Variants in SESN3 observed in about 807,000 individuals in gnomAD.
SESN3 encodes sestrin 3.
A neutral mutation model predicts 55.3 loss-of-function variants in SESN3; 21 were observed. The observed-to-expected ratio is 0.38, with a 90% CI of 0.27 to 0.55. The LOEUF is 0.55. SESN3 is among the 20% of genes least tolerant of loss of function. The probability of loss-of-function intolerance (pLI) is 0.76; values close to 1 mark genes in which losing one functional copy is unlikely to be tolerated. For missense variants in SESN3, 408 were observed against 604.3 expected (o/e 0.68, Z 3.41); for synonymous variants, 181 against 203.1 (o/e 0.89, Z 0.93).
chr11:95,195,084 C>T (rs867963150), intron 1 of SESN3, among the ~76,000 whole-genome samples: 4 of 151,802 alleles, frequency 2.6e-5, no homozygotes, highest in African/African-American at 4.8e-5. Flanking sequence ...GGAGATAAAT[C>T]GAAATCTTTA....
chr11:95,191,162 G>A (rs1261689375), intron 3 of SESN3, among the ~76,000 whole-genome samples: 1 of 152,012 alleles, frequency 6.6e-6, no homozygotes, highest in East Asian at 1.9e-4. Flanking sequence ...ATTTGTAAGA[G>A]ATTAAATATG....
At chr11:95,184,398 G>T in intron 6 of SESN3, 22 bp downstream of exon 6, 1 of 1,611,400 alleles carries the variant, frequency 6.2e-7, no homozygotes, top group East Asian at 2.2e-5. Flanking sequence ...CAACTAAAAG[G>T]CAAAAAAGTG....
At chr11:95,232,238 G>T (rs932601349), upstream of SESN3, 2 of 152,342 alleles carry the variant, frequency 1.3e-5, no homozygotes, top group African/African-American at 4.8e-5. Context: ...TGGGGAAAGC[G>T]CAGGCTGACC....
intron 6 of SESN3, among the ~76,000 whole-genome samples, chr11:95,179,159 G>GT (rs1555118233): frequency 0.011 from 1,573 of 145,030 alleles, 7 homozygotes; most frequent in Admixed American, 0.012. Context: ...AGCTTAACCA[G>GT]TTTTTTTTTT....
At chr11:95,189,200 T>A (rs982757620) in intron 4 of SESN3, among the ~76,000 whole-genome samples, 1 of 151,894 alleles carries the variant, frequency 6.6e-6, no homozygotes, top group African/African-American at 2.4e-5. Context: ...CCTCACCCTG[T>A]AGGCCTTTGA....
At position 95,168,447 on chromosome 11, in the gene SESN3, G is replaced by C. The variant is rs1367141903; in HGVS notation, c.*4808C>G. 1 of 152,074 alleles carries C rather than the reference G, an allele frequency of 6.6e-6. No individual in the cohort carries two copies. Among genetic ancestry groups the C allele is most frequent in the Non-Finnish European group, 1.5e-5 (1 of 68,006 alleles). 9.4% of individuals were successfully genotyped at this position (152,074 alleles called of 1,614,324 possible). ...ATAAAGTTTCCTACTTTGATAGAAG[G>C]CAAAAATCTTTTATGATTTATTTAA... is the stretch of plus-strand genomic sequence containing the variant. On this transcript the variant is annotated 3_prime_UTR_variant, in exon 10 of 10. Coordinates refer to ENST00000536441, the MANE Select transcript of SESN3 (RefSeq NM_144665.4).
At chr11:95,206,464 G>A (rs1860549204) in intron 1 of SESN3, among the ~76,000 whole-genome samples, 3 of 150,336 alleles carry the variant, frequency 2.0e-5, no homozygotes, top group Non-Finnish European at 4.4e-5. Context: ...TTCCTGTTTT[G>A]GCAAGAAAAT....
At chr11:95,186,401 T>C (rs1432470296) in intron 4 of SESN3, among the ~76,000 whole-genome samples, 2 of 151,992 alleles carry the variant, frequency 1.3e-5, no homozygotes, top group African/African-American at 4.8e-5. Context: ...ACACACCATA[T>C]ATAATTTAAT....
chr11:95,220,027 T>A (rs3740860), intron 1 of SESN3, among the ~76,000 whole-genome samples: 1 of 152,026 alleles, frequency 6.6e-6, no homozygotes, highest in Non-Finnish European at 1.5e-5. Context: ...CAGAACCACA[T>A]CTCGCCATAA....
Position 95,177,312 on chromosome 11 carries a change from G to A in SESN3, c.1247+407C>T, listed in dbSNP as rs563645004. 1.7e-4 allele frequency among the ~76,000 whole-genome samples: 26 copies of A among 152,122 alleles called. No individual in the cohort carries two copies. The South Asian group carries it at 3.1e-3, about 18-fold the overall frequency. On this transcript the variant is annotated intron_variant, in intron 8 of 9. Coordinates refer to ENST00000536441, the MANE Select transcript of SESN3 (RefSeq NM_144665.4). The stretch of plus-strand genomic sequence containing the variant: ...AACCTAGTACAGTTTTGTTTATACC[G>A]TAATTACCATTCCTTAAAAAATAAG...
chr11:95,216,141 A>AG (rs1860753783), intron 1 of SESN3, among the ~76,000 whole-genome samples: 1 of 151,746 alleles, frequency 6.6e-6, no homozygotes. Flanking sequence ...CCTTTATCTT[A>AG]AATTGATTGA....
At chr11:95,174,226 T>TA (rs560903757) in intron 9 of SESN3, among the ~76,000 whole-genome samples, 1 of 152,210 alleles carries the variant, frequency 6.6e-6, no homozygotes, top group Non-Finnish European at 1.5e-5. Context: ...GAATGTTTCC[T>TA]AAAAAGATTT....
intron 1 of SESN3, among the ~76,000 whole-genome samples, chr11:95,210,316 A>T (rs1016573022): frequency 6.6e-6 from 1 of 152,172 alleles, no homozygotes; most frequent in African/African-American, 2.4e-5. Context: ...TATGTAACAA[A>T]CCTGCACGTT....
At chr11:95,191,674 C>T (rs1439255619) in intron 2 of SESN3, 73 bp from the exon 3 acceptor site, 5 of 1,115,978 alleles carry the variant, frequency 4.5e-6, no homozygotes, top group Non-Finnish European at 5.3e-6. Context: ...TAAATTATGC[C>T]ACTATTGAAG....
Position 95,231,118 on chromosome 11 carries a change from C to A in SESN3, c.-258G>T, listed in dbSNP as rs1197904473. 13 of 391,730 alleles carry A rather than the reference C, an allele frequency of 3.3e-5. No homozygotes were observed. Among genetic ancestry groups the A allele is most frequent in the Non-Finnish European group, 5.8e-5 (13 of 222,672 alleles). 24.3% of individuals were successfully genotyped at this position (391,730 alleles called of 1,614,324 possible). On this transcript the variant is annotated 5_prime_UTR_variant, in exon 1 of 10. Transcript: ENST00000536441. ...GGCCCGTTGTTCCACCCGCCCCCAT[C>A]TTCCAGACCCCCGCCCCCGCCAGGC...
chr11:95,201,267 A>C (rs1273499535), intron 1 of SESN3: 1 of 152,122 alleles, frequency 6.6e-6, no homozygotes, highest in Non-Finnish European at 1.5e-5. Context: ...GGCAGCCATG[A>C]GTACTGCTAT....
chr11:95,172,322 A>G lies in SESN3; in HGVS notation c.*933T>C, dbSNP rs1011916263. On this transcript the variant is annotated 3_prime_UTR_variant, in exon 10 of 10. Coordinates refer to ENST00000536441, the MANE Select transcript of SESN3 (RefSeq NM_144665.4). ...TTAACCTTCCTTTGCTTAACGAAATATAGAAAAAAACTATGAGAAAGGAAA... is the reference window on the plus strand; with the variant it reads ...TTAACCTTCCTTTGCTTAACGAAATGTAGAAAAAAACTATGAGAAAGGAAA... 1.3e-5 allele frequency: 2 copies of G among 152,196 alleles called. No individual in the cohort carries two copies. The highest frequency in any genetic ancestry group is 2.9e-5 in the Non-Finnish European group (2 of 68,018). The allele number at this position is 152,196 out of a possible 1,614,324, so 9.4% of individuals were successfully genotyped here. A position where few individuals can be genotyped will look rare whatever the true frequency, so the allele number is the denominator to read the frequency against.
At chr11:95,224,035 T>A (rs1478475090) in intron 1 of SESN3, among the ~76,000 whole-genome samples, 1 of 152,160 alleles carries the variant, frequency 6.6e-6, no homozygotes, top group Non-Finnish European at 1.5e-5. Context: ...GTGAGAAGAG[T>A]GACATTTACA....
chr11:95,205,840 CT>C (rs1860537055), intron 1 of SESN3, among the ~76,000 whole-genome samples: 1 of 152,016 alleles, frequency 6.6e-6, no homozygotes, highest in South Asian at 2.1e-4. Flanking sequence ...GTCTAATTTG[CT>C]TTCCATTTCT....
Sources: allele counts gnomAD v4.1 joint callset (sites outside exome capture counted in the v4.1 genomes callset), GRCh38; gene constraint gnomAD v4.1.1; transcripts MANE v1.5; gene names NCBI Gene and HGNC (gene_info 2026-07-23, HGNC 2026-07-21).